Variants in LETM2 observed in about 807,000 individuals in gnomAD.
The protein encoded by LETM2 is LETM1 domain-containing protein LETM2, mitochondrial.
LETM2 carries 58 observed loss-of-function variants against 59.6 expected under a neutral mutation model. The ratio of observed to expected loss-of-function variants is 0.97; its 90% CI spans 0.79 to 1.21. The LOEUF (loss-of-function observed/expected upper bound fraction) is 1.21. Among genes scored for constraint, LETM2 ranks in the 50% most tolerant of loss-of-function variants. The probability of loss-of-function intolerance (pLI) is 0.00; values close to 1 mark genes in which losing one functional copy is unlikely to be tolerated. For missense variants in LETM2, 572 were observed against 575.7 expected (o/e 0.99, Z 0.07); for synonymous variants, 199 against 214.1 (o/e 0.93, Z 0.62).
chr8:38,406,207 G>A (rs765416383), intron 8 of LETM2, among the ~76,000 whole-genome samples: 1 of 152,122 alleles, frequency 6.6e-6, no homozygotes, highest in Non-Finnish European at 1.5e-5. Context: ...TTGCGTTATA[G>A]GAGCTTACCA....
chr8:38,397,499 A>C (rs909524536), intron 4 of LETM2, among the ~76,000 whole-genome samples: 1 of 152,220 alleles, frequency 6.6e-6, no homozygotes, highest in East Asian at 1.9e-4. Context: ...CAGTGGCATA[A>C]GAGAGTATGA....
intron 10 of LETM2, 155 bp from the exon 11 acceptor site, chr8:38,408,057 G>C: frequency 1.6e-6 from 1 of 609,134 alleles, no homozygotes; most frequent in South Asian, 2.0e-5. Context: ...CTTGTTTTTT[G>C]TAAATCTCCT....
chr8:38,384,714 C>T (rs937386545), upstream of LETM2, among the ~76,000 whole-genome samples: 3 of 152,174 alleles, frequency 2.0e-5, no homozygotes, highest in Admixed American at 6.5e-5. Flanking sequence ...GTTCTTAGCC[C>T]TTCCCTTTTT....
chr8:38,390,737 C>T (rs1205783830), intron 2 of LETM2, among the ~76,000 whole-genome samples: 1 of 148,800 alleles, frequency 6.7e-6, no homozygotes, highest in African/African-American at 2.5e-5. Flanking sequence ...GGCTGGAGTG[C>T]AGTGGCGCAA....
chr8:38,403,216 G>A (rs1448488439), intron 7 of LETM2, among the ~76,000 whole-genome samples: 1 of 152,198 alleles, frequency 6.6e-6, no homozygotes, highest in Non-Finnish European at 1.5e-5. Context: ...CCCATCCAAA[G>A]AATCTCCCTA....
Position 38,392,789 on chromosome 8 carries a change from C to T in LETM2, c.295C>T (p.His99Tyr). ...GKPQLEQATK[H>Y]PQVTSPQATK... ...ACCTCAGCTGGAGCAAGCCACAAAA[C>T]ATCCACAGGTGACAAGCCCTCAGGC... The change falls in exon 3 of 11, where the codon CAT (histidine) becomes TAT (tyrosine). Residue 99 changes from histidine (H) to tyrosine (Y), a missense_variant. Physicochemically the swap from His to Tyr is moderately conservative, Grantham distance 83. Transcript: ENST00000379957. The T allele has an allele frequency of 6.2e-7, 1 of 1,614,172 alleles. No individual in the cohort carries two copies. The highest frequency in any genetic ancestry group is 8.5e-7 in the Non-Finnish European group (1 of 1,180,036).
At chr8:38,397,482 C>T (rs1812780386) in intron 4 of LETM2, among the ~76,000 whole-genome samples, 1 of 152,210 alleles carries the variant, frequency 6.6e-6, no homozygotes, top group African/African-American at 2.4e-5. Flanking sequence ...TAGCATTTAA[C>T]ATGGCTCAGT....
upstream of LETM2, among the ~76,000 whole-genome samples, chr8:38,385,569 T>C (rs182875693): frequency 6.7e-6 from 1 of 149,120 alleles, no homozygotes; most frequent in African/African-American, 2.4e-5. Flanking sequence ...AATTTTTGTA[T>C]TTTTTTTTAG....
rs1208151518 is a variant in LETM2, at chr8:38,399,945, C to CAA, written c.646-323_646-322dup. ...TGGGCAACAGAGTGGGACTTGATCT[C>CAA]AAAAAGAGAGAGAGAGAGAGAGAGA... On this transcript the variant is annotated intron_variant, in intron 4 of 10. Transcript: ENST00000379957. Among the ~76,000 whole-genome samples the CAA allele has an allele frequency of 2.7e-5, 4 of 148,798 alleles. No homozygotes were observed. The East Asian group carries it at 5.9e-4, about 22-fold the overall frequency.
intron 6 of LETM2, 26 bp downstream of exon 6, chr8:38,401,079 G>A (rs1813175863): frequency 6.3e-7 from 1 of 1,578,024 alleles, no homozygotes; most frequent in Non-Finnish European, 8.7e-7. Context: ...TAGCTCTAGG[G>A]AATTAGCAAG....
intron 7 of LETM2, 111 bp downstream of exon 7, chr8:38,402,755 C>A: frequency 8.6e-7 from 1 of 1,163,850 alleles, no homozygotes; most frequent in Non-Finnish European, 1.2e-6. Flanking sequence ...CTTAATTTGC[C>A]TTATTTCATT....
chr8:38,396,195 G>T (rs1375554826), intron 4 of LETM2, among the ~76,000 whole-genome samples: 1 of 149,286 alleles, frequency 6.7e-6, no homozygotes, highest in Non-Finnish European at 1.5e-5. Flanking sequence ...ATGGAGCCTC[G>T]CTCTGTCGCC....
rs1813087650 is a variant in LETM2, at chr8:38,400,362, G to A, written c.736G>A (p.Ala246Thr). The A allele has an allele frequency of 6.2e-7, 1 of 1,613,396 alleles. No individual in the cohort carries two copies. The highest frequency in any genetic ancestry group is 1.7e-5 in the Admixed American group (1 of 59,898). ...GACAGAAATGGCAAGGAGGAACAGA[G>A]CCAAGATGGGCGATGCCTCTACACA... is the stretch of plus-strand genomic sequence containing the variant. ...TMTEMARRNR[A>T]KMGDASTQLS... The change falls in exon 5 of 11, where the codon GCC (alanine) becomes ACC (threonine). Residue 246 changes from alanine (A) to threonine (T), a missense_variant. Physicochemically the swap from Ala to Thr is moderately conservative, Grantham distance 58. Coordinates refer to ENST00000379957, the MANE Select transcript of LETM2 (RefSeq NM_001286819.2).
At chr8:38,389,164 T>C (rs1052918074) in intron 2 of LETM2, among the ~76,000 whole-genome samples, 1 of 152,206 alleles carries the variant, frequency 6.6e-6, no homozygotes, top group African/African-American at 2.4e-5. Context: ...GAACAGCCAG[T>C]CTTAGGGCAT....
intron 10 of LETM2, 33 bp from the exon 11 acceptor site, chr8:38,408,179 C>A: frequency 6.3e-7 from 1 of 1,584,268 alleles, no homozygotes; most frequent in Non-Finnish European, 8.6e-7. Context: ...ACGTCTGTGA[C>A]TAATGCCTAC....
intron 8 of LETM2, among the ~76,000 whole-genome samples, chr8:38,405,608 G>A (rs1813652912): frequency 6.6e-6 from 1 of 152,088 alleles, no homozygotes; most frequent in African/African-American, 2.4e-5. Flanking sequence ...TCTGGTTTTG[G>A]GATTTGTCCA....
chr8:38,390,735 T>C (rs575646616), intron 2 of LETM2, among the ~76,000 whole-genome samples: 4 of 148,962 alleles, frequency 2.7e-5, no homozygotes, highest in Middle Eastern at 3.6e-3. Flanking sequence ...CAGGCTGGAG[T>C]GCAGTGGCGC....
At chr8:38,383,047 C>T (rs1811642812), upstream of LETM2, 1 of 152,238 alleles carries the variant, frequency 6.6e-6, no homozygotes. Context: ...TCAGCGCCCG[C>T]CGCATCCCCG....
At chr8:38,408,129 T>C in intron 10 of LETM2, 83 bp from the exon 11 acceptor site, 1 of 1,002,746 alleles carries the variant, frequency 1.0e-6, no homozygotes, top group Non-Finnish European at 1.5e-6. Flanking sequence ...ACTATTTTGA[T>C]TAAGAAAACA....
Sources: allele counts gnomAD v4.1 joint callset (sites outside exome capture counted in the v4.1 genomes callset), GRCh38; gene constraint gnomAD v4.1.1; transcripts MANE v1.5; gene names NCBI Gene and HGNC (gene_info 2026-07-23, HGNC 2026-07-21).